SVIL: variants seen among roughly 807,000 people sequenced by gnomAD.
SVIL encodes archvillin.
Under a neutral mutation model 240.4 loss-of-function variants are expected in SVIL, and 101 were observed. The ratio of observed to expected loss-of-function variants is 0.42; its 90% CI spans 0.36 to 0.50. SVIL has a LOEUF of 0.50. Among genes scored for constraint, SVIL ranks in the 20% least tolerant of loss-of-function variants. The pLI, the probability that SVIL is intolerant of heterozygous loss-of-function variation, is 0.01. For missense variants in SVIL, 2,512 were observed against 2,818.7 expected, an observed-to-expected ratio of 0.89 and a Z score of 2.46; for synonymous variants, 999 against 1,100.0, an observed-to-expected ratio of 0.91 and a Z score of 1.82.
chr10:29,719,870 G>A (rs1312750651), intron 1 of SVIL, among the ~76,000 whole-genome samples: 5 of 152,180 alleles, frequency 3.3e-5, no homozygotes, highest in South Asian at 2.1e-4. Context: ...ATTCCACATG[G>A]GGGGCACAGA....
intron 1 of SVIL, among the ~76,000 whole-genome samples, chr10:29,730,006 A>G (rs1411769073): frequency 1.3e-5 from 2 of 150,176 alleles, no homozygotes; most frequent in African/African-American, 4.9e-5. Context: ...CCTGGGCAAC[A>G]TTTCTCTATA....
At chr10:29,569,211 C>A (rs1253651486) in intron 2 of SVIL, 44 bp downstream of exon 2, 2 of 930,394 alleles carry the variant, frequency 2.1e-6, no homozygotes, top group Admixed American at 6.2e-5. Flanking sequence ...AAAGCTACAA[C>A]AAATCTTCAA....
Position 29,486,571 on chromosome 10 carries a change from G to A in SVIL, c.4486-14C>T, listed in dbSNP as rs16930269. The A allele has an allele frequency of 2.2e-3, 3,472 of 1,614,006 alleles. 5 individuals are homozygous for A. Among genetic ancestry groups the A allele is most frequent in the Non-Finnish European group, 2.6e-3 (3,114 of 1,179,984 alleles). The stretch of plus-strand genomic sequence containing the variant: ...AAGTTCTGAGGCCTAAAAAAGAGAG[G>A]AACACAATTGCCTGGGTAGAAAAGC... On this transcript the variant is annotated splice_polypyrimidine_tract_variant and intron_variant, in intron 24 of 37. Coordinates refer to ENST00000355867, the MANE Select transcript of SVIL (RefSeq NM_021738.3).
chr10:29,655,874 G>GTTTT (rs3030622), intron 3 of SVIL, among the ~76,000 whole-genome samples: 110 of 136,242 alleles, frequency 8.1e-4, no homozygotes, highest in South Asian at 1.9e-3. Context: ...GTATGTGTGG[G>GTTTT]TTTTTTTTTT....
At chr10:29,664,180 A>G (rs937630895) in intron 2 of SVIL, among the ~76,000 whole-genome samples, 2 of 152,226 alleles carry the variant, frequency 1.3e-5, no homozygotes, top group Non-Finnish European at 2.9e-5. Flanking sequence ...TATTAACCAA[A>G]ATCACAAGTG....
intron 1 of SVIL, among the ~76,000 whole-genome samples, chr10:29,726,484 T>A (rs2132707575): frequency 6.6e-6 from 1 of 152,182 alleles, no homozygotes; most frequent in African/African-American, 2.4e-5. Context: ...CGGTGGCTCA[T>A]GCCTGCAATC....
chr10:29,551,367 T>A (rs1015741989), intron 5 of SVIL, 104 bp from the exon 6 acceptor site: 6 of 1,158,928 alleles, frequency 5.2e-6, no homozygotes, highest in African/African-American at 1.5e-5. Context: ...TGGGTGCCCA[T>A]GCTGTGAAGG....
At chr10:29,467,134 T>A (rs1432895166) in intron 33 of SVIL, 1 of 152,300 alleles carries the variant, frequency 6.6e-6, no homozygotes, top group Non-Finnish European at 1.5e-5. Flanking sequence ...AATGTTCATC[T>A]GTATTTTTAG....
chr10:29,611,967 G>A (rs1477874899), intron 1 of SVIL, among the ~76,000 whole-genome samples: 1 of 152,172 alleles, frequency 6.6e-6, no homozygotes, highest in Non-Finnish European at 1.5e-5. Context: ...CCCAGTGGGA[G>A]GGTGGGGTTT....
At chr10:29,636,051 A>T (rs1362878437), upstream of SVIL, among the ~76,000 whole-genome samples, 1 of 152,104 alleles carries the variant, frequency 6.6e-6, no homozygotes, top group Non-Finnish European at 1.5e-5. Flanking sequence ...ATAATAATTA[A>T]ACATTGGCTT....
At chr10:29,593,286 C>A (rs1389003936) in intron 1 of SVIL, among the ~76,000 whole-genome samples, 1 of 152,210 alleles carries the variant, frequency 6.6e-6, no homozygotes, top group Non-Finnish European at 1.5e-5. Context: ...CAGGCTCTGA[C>A]AGTAGCGGAC....
chr10:29,591,716 G>A (rs74562414), intron 1 of SVIL, among the ~76,000 whole-genome samples: 4,071 of 152,286 alleles, frequency 0.027, 110 homozygotes, highest in Admixed American at 0.075. Context: ...CACATTAGGT[G>A]CTATAGGATA....
chr10:29,481,166 GTT>G (rs1491455744), intron 28 of SVIL, among the ~76,000 whole-genome samples: 86 of 147,084 alleles, frequency 5.8e-4, no homozygotes, highest in East Asian at 1.4e-3. Flanking sequence ...GTGTGTGTGT[GTT>G]TGTTTGTGTG....
At chr10:29,462,428 G>A (rs1231707203) in intron 35 of SVIL, 27 bp from the exon 36 acceptor site, 1 of 1,611,808 alleles carries the variant, frequency 6.2e-7, no homozygotes, top group Non-Finnish European at 8.5e-7. Flanking sequence ...TGCAATGTCA[G>A]TAGACCCCAG....
At position 29,686,963 on chromosome 10, in the gene SVIL, A is replaced by T. The variant is rs190091131; in HGVS notation, c.-399-312T>A. Among the ~76,000 whole-genome samples, 492 of 152,322 alleles carry T rather than the reference A, an allele frequency of 3.2e-3. 4 individuals carry two copies. The highest frequency in any genetic ancestry group is 0.011 in the African/African-American group (448 of 41,578). On this transcript the variant is annotated intron_variant, in intron 1 of 35. Transcript: ENST00000375400. ...AACAACCACGTGCAAGGGAATATTT[A>T]AAAAAATCTCAAGACCCCCAAACTC...
chr10:29,527,643 TC>T (rs1469040953), intron 12 of SVIL, among the ~76,000 whole-genome samples: 1 of 151,668 alleles, frequency 6.6e-6, no homozygotes, highest in Non-Finnish European at 1.5e-5. Context: ...GCCAGGATGG[TC>T]TTGATCTCTT....
intron 1 of SVIL, among the ~76,000 whole-genome samples, chr10:29,588,946 G>A (rs1956280218): frequency 6.9e-6 from 1 of 143,892 alleles, no homozygotes; most frequent in African/African-American, 2.6e-5. Context: ...TTAAAATACT[G>A]AAGTCCTCAA....
At chr10:29,693,774 C>T (rs1292266637) in intron 1 of SVIL, among the ~76,000 whole-genome samples, 1 of 152,104 alleles carries the variant, frequency 6.6e-6, no homozygotes, top group African/African-American at 2.4e-5. Flanking sequence ...TAGCTACTAC[C>T]AAAACAGTGG....
At chr10:29,564,335 A>ACAGT (rs1399047678) in intron 2 of SVIL, among the ~76,000 whole-genome samples, 1 of 152,188 alleles carries the variant, frequency 6.6e-6, no homozygotes, top group Non-Finnish European at 1.5e-5. Context: ...CATACTAGCC[A>ACAGT]CAGTCACCCC....
Sources: gnomAD v4.1 joint callset for allele counts (sites outside exome capture counted in the v4.1 genomes callset) on GRCh38, gnomAD v4.1.1 for gene constraint, MANE v1.5 for transcripts, NCBI Gene and HGNC (gene_info 2026-07-23, HGNC 2026-07-21) for gene names.